MAP6: variants seen among roughly 807,000 people sequenced by gnomAD.
MAP6 encodes the protein microtubule associated protein 6.
Under a neutral mutation model 42.4 loss-of-function variants are expected in MAP6, and 26 were observed. The ratio of observed to expected loss-of-function variants is 0.61; its 90% CI spans 0.45 to 0.85. The LOEUF (loss-of-function observed/expected upper bound fraction) is 0.85. Ranked by LOEUF, MAP6 falls within the 40% of genes least tolerant of loss-of-function variation. MAP6 has a pLI of 0.00. For missense variants in MAP6, 966 were observed against 1,099.0 expected (o/e 0.88, Z 1.71); for synonymous variants, 418 against 443.8 (o/e 0.94, Z 0.73).
Position 75,596,857 on chromosome 11 carries a change from GGA to G in MAP6, c.1317-8675_1317-8674del, listed in dbSNP as rs1396505041. ...ACTCATTTTCCATAGACGAGAGTAT[GGA>G]GAGTCATTGAACGTTTCAGAGCAAG... On this transcript the variant is annotated intron_variant, in intron 3 of 3. Coordinates refer to ENST00000304771, the MANE Select transcript of MAP6 (RefSeq NM_033063.2). 4.6e-5 allele frequency among the ~76,000 whole-genome samples: 7 copies of G among 152,212 alleles called. No individual in the cohort carries two copies. In the East Asian group the frequency reaches 1.3e-3, roughly 29 times the overall value.
chr11:75,629,670 A>T (rs997549012), intron 1 of MAP6, among the ~76,000 whole-genome samples: 1 of 152,166 alleles, frequency 6.6e-6, no homozygotes, highest in African/African-American at 2.4e-5. Context: ...TTGTTTGTCA[A>T]AGGGTTAATA....
intron 1 of MAP6, among the ~76,000 whole-genome samples, chr11:75,662,849 A>G (rs1283817067): frequency 2.0e-5 from 3 of 152,184 alleles, no homozygotes; most frequent in Admixed American, 6.5e-5. Flanking sequence ...ATGTGTAGCC[A>G]AGGTTGAGGA....
chr11:75,637,809 G>A (rs974894106), intron 1 of MAP6, among the ~76,000 whole-genome samples: 1 of 143,842 alleles, frequency 7.0e-6, no homozygotes, highest in African/African-American at 2.6e-5. Context: ...GAAAGGGAGA[G>A]AGGGAGGGAG....
intron 3 of MAP6, among the ~76,000 whole-genome samples, chr11:75,600,369 C>T (rs948879518): frequency 6.6e-6 from 1 of 152,206 alleles, no homozygotes; most frequent in Non-Finnish European, 1.5e-5. Flanking sequence ...CCATGTTAAC[C>T]AGTATTCATA....
At chr11:75,662,130 G>A (rs964709907) in intron 1 of MAP6, among the ~76,000 whole-genome samples, 2 of 152,072 alleles carry the variant, frequency 1.3e-5, no homozygotes, top group Non-Finnish European at 2.9e-5. Context: ...AGAGAACCCA[G>A]ATATAATATC....
At chr11:75,634,090 C>T (rs1025140520) in intron 1 of MAP6, among the ~76,000 whole-genome samples, 5 of 152,128 alleles carry the variant, frequency 3.3e-5, no homozygotes, top group Non-Finnish European at 7.3e-5. Context: ...ACAGTAGCTG[C>T]GTCCCCATCC....
At chr11:75,606,095 A>G in intron 2 of MAP6, 91 bp from the exon 3 acceptor site, 2 of 1,449,598 alleles carry the variant, frequency 1.4e-6, no homozygotes, top group Non-Finnish European at 1.9e-6. Context: ...TAATTAAGGA[A>G]TGACGGTAAT....
At chr11:75,646,776 C>G (rs57777945) in intron 1 of MAP6, among the ~76,000 whole-genome samples, 11,062 of 151,628 alleles carry the variant, frequency 0.073, 598 homozygotes, top group African/African-American at 0.14. Context: ...CTCCAGCGTG[C>G]GCAACAAGAG....
chr11:75,638,912 A>G (rs1943415737), intron 1 of MAP6, among the ~76,000 whole-genome samples: 1 of 152,252 alleles, frequency 6.6e-6, no homozygotes. Flanking sequence ...GTGTCCATCA[A>G]CAGATGAGCG....
rs1266720985 is a variant in MAP6, at chr11:75,667,957, C to T, written c.413G>A (p.Arg138Gln). 19 of 1,334,650 alleles carry T rather than the reference C, an allele frequency of 1.4e-5. No homozygotes were observed. The highest frequency in any genetic ancestry group is 1.8e-5 in the Non-Finnish European group (19 of 1,036,686). 82.7% of individuals were successfully genotyped at this position (1,334,650 alleles called of 1,614,324 possible). A position where few individuals can be genotyped will look rare whatever the true frequency, so the allele number is the denominator to read the frequency against. ...GGAGGGCTGGTATTCGCTGCGCGGCCGGCAGCTGGGCTCGGGCCGCTGCAC... is the reference window on the plus strand; with the variant it reads ...GGAGGGCTGGTATTCGCTGCGCGGCTGGCAGCTGGGCTCGGGCCGCTGCAC... The part of the protein sequence containing the change: ...WKVQRPEPSC[R>Q]PRSEYQPSDA... Residue 138 changes from arginine to glutamine, a missense_variant, in exon 1 of 4, where the codon CGG (arginine) becomes CAG (glutamine). Around this residue, in one of 2 missense-constraint regions of MAP6, gnomAD observed 943 missense variants for 1,049.9 expected, o/e 0.90. Coordinates refer to ENST00000304771, the MANE Select transcript of MAP6 (RefSeq NM_033063.2). The surrounding 1 kb of genome is among the most constrained non-coding windows in gnomAD (Gnocchi z 5.6).
chr11:75,633,678 A>G (rs1440472381), intron 1 of MAP6, among the ~76,000 whole-genome samples: 1 of 152,206 alleles, frequency 6.6e-6, no homozygotes, highest in Non-Finnish European at 1.5e-5. Flanking sequence ...TGATCAAGTG[A>G]GAGTTGAACA....
intron 1 of MAP6, chr11:75,638,422 G>A (rs1000472598): frequency 2.0e-5 from 3 of 152,308 alleles, no homozygotes; most frequent in East Asian, 3.9e-4. Flanking sequence ...AACTTCCCCA[G>A]CTGTCACCTC....
At position 75,587,076 on chromosome 11, in the gene MAP6, T is replaced by A. The variant is rs746359927; in HGVS notation, c.2425A>T (p.Ile809Phe). ...GGTGAGTGTCAAGGGGAGCTCTCAATGTATTCCGTATGGGGGGCAGTTGGG... is the reference window on the plus strand; with the variant it reads ...GGTGAGTGTCAAGGGGAGCTCTCAAAGTATTCCGTATGGGGGGCAGTTGGG... ...MIPTAPHTEY[I>F]ESSP The change falls in exon 4 of 4, where the codon ATT becomes TTT. Residue 809 changes from isoleucine (I) to phenylalanine (F), a missense_variant. Ile to Phe is a conservative substitution (Grantham distance 21, BLOSUM62 0). Around this residue, in one of 2 missense-constraint regions of MAP6, gnomAD observed 943 missense variants for 1,049.9 expected, o/e 0.90. Coordinates refer to ENST00000304771, the MANE Select transcript of MAP6 (RefSeq NM_033063.2). The A allele has an allele frequency of 1.3e-5, 20 of 1,593,346 alleles. No individual in the cohort carries two copies. The South Asian group carries it at 2.0e-4, about 16-fold the overall frequency.
chr11:75,599,518 C>T (rs1403642242), intron 3 of MAP6, among the ~76,000 whole-genome samples: 1 of 152,158 alleles, frequency 6.6e-6, no homozygotes, highest in African/African-American at 2.4e-5. Context: ...TGTGTATTGG[C>T]TGTGATAATT....
chr11:75,594,629 G>A (rs1942545734), intron 3 of MAP6: 1 of 152,262 alleles, frequency 6.6e-6, no homozygotes. Flanking sequence ...ATCTAGCACA[G>A]GGTCTGGCTC....
Position 75,667,805 on chromosome 11 carries a change from G to A in MAP6, c.565C>T (p.Pro189Ser). Residue 189 changes from proline to serine, a missense_variant, in exon 1 of 4, where the codon CCC becomes TCC. Transcript: ENST00000304771. The surrounding 1 kb of genome is among the most constrained non-coding windows in gnomAD (Gnocchi z 5.6). ...CGGCGCTTGGGCGCCCCGAGAATGG[G>A]CGCCGACGCCTGGGAGGCCGCAGAG... ...QISAASQASA[P>S]ILGAPKRRPQ... The A allele has an allele frequency of 7.6e-7, 1 of 1,313,072 alleles. No individual in the cohort carries two copies. The highest frequency in any genetic ancestry group is 9.7e-7 in the Non-Finnish European group (1 of 1,030,200). 81.3% of individuals were successfully genotyped at this position (1,313,072 alleles called of 1,614,324 possible). A position where few individuals can be genotyped will look rare whatever the true frequency, so the allele number is the denominator to read the frequency against.
At chr11:75,626,551 A>T (rs1054110177) in intron 1 of MAP6, among the ~76,000 whole-genome samples, 20 of 152,188 alleles carry the variant, frequency 1.3e-4, no homozygotes, top group Non-Finnish European at 2.9e-4. Flanking sequence ...TGTTTTATTT[A>T]ATAATAATCT....
At chr11:75,653,261 A>G (rs1028328981) in intron 1 of MAP6, among the ~76,000 whole-genome samples, 3 of 152,206 alleles carry the variant, frequency 2.0e-5, no homozygotes, top group African/African-American at 7.2e-5. Context: ...TCTGCAAGGA[A>G]AGCAAGCTGA....
At chr11:75,635,056 T>G (rs1296170590) in intron 1 of MAP6, among the ~76,000 whole-genome samples, 1 of 152,186 alleles carries the variant, frequency 6.6e-6, no homozygotes, top group Non-Finnish European at 1.5e-5. Context: ...TGAAAGTCGG[T>G]GAACCGAAAG....
Sources: allele counts gnomAD v4.1 joint callset (sites outside exome capture counted in the v4.1 genomes callset), GRCh38; gene constraint gnomAD v4.1.1; regional missense constraint gnomAD v4.1.1; non-coding constraint Gnocchi (gnomAD v3.1); transcripts MANE v1.5; gene names NCBI Gene and HGNC (gene_info 2026-07-23, HGNC 2026-07-21).